The following OSTF1 variants were observed in gnomAD, a reference collection of about 807,000 sequenced individuals.
OSTF1 encodes the protein osteoclast-stimulating factor 1.
A neutral mutation model predicts 37.2 loss-of-function variants in OSTF1; 27 were observed. The ratio of observed to expected loss-of-function variants is 0.73; its 90% confidence interval spans 0.54 to 1.00. OSTF1 has a LOEUF of 1.00. Ranked by LOEUF, OSTF1 falls within the 50% of genes least tolerant of loss-of-function variation. The pLI, the probability that OSTF1 is intolerant of heterozygous loss-of-function variation, is 0.00. For synonymous variants in OSTF1, 82 were observed against 89.2 expected (o/e 0.92, Z 0.46); for missense variants, 232 against 253.8 (o/e 0.91, Z 0.58).
intron 2 of OSTF1, among the ~76,000 whole-genome samples, chr9:75,123,756 C>T (rs149813157): frequency 8.7e-4 from 132 of 152,214 alleles, no homozygotes; most frequent in South Asian, 3.3e-3. Context: ...AGTAGCATTC[C>T]GTGTCTGGGA....
In OSTF1 at chr9:75,109,610, G is replaced by C. The variant is rs542344036; in HGVS notation, c.35-7894G>C. On this transcript the variant is annotated intron_variant, in intron 1 of 9. Coordinates refer to ENST00000346234, the MANE Select transcript of OSTF1 (RefSeq NM_012383.5). ...ATAGGTCATGACCTTCAGTTTAAAAGTGTTGAGGTGACTCACTGTGTTCTG... is the reference window on the plus strand; with the variant it reads ...ATAGGTCATGACCTTCAGTTTAAAACTGTTGAGGTGACTCACTGTGTTCTG... Among the ~76,000 whole-genome samples the C allele has an allele frequency of 6.6e-5, 10 of 152,304 alleles. No homozygotes were observed. In the East Asian group the frequency reaches 1.9e-3, roughly 29 times the overall value.
At chr9:75,116,581 A>T (rs2118511635) in intron 1 of OSTF1, among the ~76,000 whole-genome samples, 1 of 149,114 alleles carries the variant, frequency 6.7e-6, no homozygotes, top group Non-Finnish European at 1.5e-5. Flanking sequence ...GACTTAATGG[A>T]ATCATAGGTT....
intron 2 of OSTF1, among the ~76,000 whole-genome samples, chr9:75,119,362 A>G (rs1215303603): frequency 2.6e-5 from 4 of 152,210 alleles, no homozygotes; most frequent in Non-Finnish European, 5.9e-5. Context: ...ATGTTTCTGG[A>G]GCAAGAAAGG....
In OSTF1 at chr9:75,128,389, T is replaced by TTGTCC. The variant is rs1221073344; in HGVS notation, c.132+770_132+771insTGTCC. ...ATATATATATATATATATATATATA[T>TTGTCC]ATATATATATATATATATTTTGTCC... On this transcript the variant is annotated intron_variant, in intron 3 of 9. Coordinates refer to ENST00000346234, the MANE Select transcript of OSTF1 (RefSeq NM_012383.5). Among the ~76,000 whole-genome samples, 12 of 98,194 alleles carry TTGTCC rather than the reference T, an allele frequency of 1.2e-4. 1 individual carries two copies. The highest frequency in any genetic ancestry group is 9.2e-4 in the South Asian group (3 of 3,276). The allele number at this position is 98,194 out of a possible 152,430, so 64.4% of individuals were successfully genotyped here.
chr9:75,118,399 G>A lies in OSTF1; in HGVS notation c.81+849G>A, dbSNP rs181952189. Among the ~76,000 whole-genome samples, 6 of 152,256 alleles carry A rather than the reference G, an allele frequency of 3.9e-5. No homozygotes were observed. The East Asian group carries it at 9.7e-4, about 25-fold the overall frequency. On this transcript the variant is annotated intron_variant, in intron 2 of 9. Transcript: ENST00000346234. Reference sequence around the variant, plus strand: ...GAGAGGGTAGTGGGAGACTACTTCCGAGAGTTGGGGTGGACTGGAAGGGCA... The same window carrying A: ...GAGAGGGTAGTGGGAGACTACTTCCAAGAGTTGGGGTGGACTGGAAGGGCA...
intron 1 of OSTF1, among the ~76,000 whole-genome samples, chr9:75,093,879 A>G (rs1451358373): frequency 6.6e-6 from 1 of 152,212 alleles, no homozygotes; most frequent in African/African-American, 2.4e-5. Flanking sequence ...AATGATGATG[A>G]TGATGGGAAT....
chr9:75,138,289 C>T (rs1825874690), intron 8 of OSTF1, among the ~76,000 whole-genome samples: 1 of 152,130 alleles, frequency 6.6e-6, no homozygotes, highest in East Asian at 1.9e-4. Flanking sequence ...TAGGGATCCT[C>T]AGAGCAATAT....
intron 2 of OSTF1, among the ~76,000 whole-genome samples, chr9:75,124,653 C>G (rs1298530650): frequency 6.6e-6 from 1 of 152,192 alleles, no homozygotes; most frequent in African/African-American, 2.4e-5. Flanking sequence ...TCCCACAGAT[C>G]AACCCTGTAC....
At chr9:75,112,875 G>A (rs1825416152) in intron 1 of OSTF1, among the ~76,000 whole-genome samples, 1 of 152,172 alleles carries the variant, frequency 6.6e-6, no homozygotes, top group Non-Finnish European at 1.5e-5. Flanking sequence ...CTGCTTCCTT[G>A]TATAACTTCT....
intron 3 of OSTF1, among the ~76,000 whole-genome samples, chr9:75,129,628 A>G (rs1343665968): frequency 6.6e-6 from 1 of 152,242 alleles, no homozygotes; most frequent in Non-Finnish European, 1.5e-5. Context: ...TTTATAGGCA[A>G]TACAGGGAAC....
At chr9:75,090,897 C>A (rs551797794) in intron 1 of OSTF1, among the ~76,000 whole-genome samples, 30 of 152,308 alleles carry the variant, frequency 2.0e-4, no homozygotes, top group African/African-American at 7.2e-4. Flanking sequence ...TCACTTTACA[C>A]GTGTTAACAC....
intron 1 of OSTF1, among the ~76,000 whole-genome samples, chr9:75,111,645 C>T (rs1325858685): frequency 6.6e-6 from 1 of 151,972 alleles, no homozygotes; most frequent in East Asian, 1.9e-4. Flanking sequence ...GTCTTCTGAG[C>T]TCCATTTTTC....
chr9:75,140,728 G>C, intron 8 of OSTF1, 106 bp from the exon 9 acceptor site: 1 of 679,974 alleles, frequency 1.5e-6, no homozygotes, highest in Admixed American at 2.4e-5. Flanking sequence ...AGCCAGAGTT[G>C]TTCACTAGTT....
At chr9:75,134,471 T>C in intron 7 of OSTF1, 76 bp downstream of exon 7, 1 of 723,312 alleles carries the variant, frequency 1.4e-6, no homozygotes, top group South Asian at 1.7e-5. Context: ...CATGGGCATG[T>C]GAAGTATTGT....
In OSTF1 at chr9:75,106,783, G is replaced by A. The variant is rs146937510; in HGVS notation, c.35-10721G>A. On this transcript the variant is annotated intron_variant, in intron 1 of 9. Transcript: ENST00000346234. The stretch of plus-strand genomic sequence containing the variant: ...ATCCTGGCCAACATGGTGAAACCCC[G>A]TCTCTACTAAAAATACAAAAATTAG... Among the ~76,000 whole-genome samples, 913 of 150,650 alleles carry A rather than the reference G, an allele frequency of 6.1e-3. 5 individuals are homozygous for A. The highest frequency in any genetic ancestry group is 0.018 in the South Asian group (88 of 4,758).
chr9:75,099,965 A>G (rs932744884), intron 1 of OSTF1, among the ~76,000 whole-genome samples: 6 of 152,246 alleles, frequency 3.9e-5, no homozygotes, highest in African/African-American at 1.4e-4. Flanking sequence ...AAATCATTCT[A>G]TTCATAGTTG....
chr9:75,095,173 T>C (rs1825052887), intron 1 of OSTF1, among the ~76,000 whole-genome samples: 1 of 152,250 alleles, frequency 6.6e-6, no homozygotes, highest in South Asian at 2.1e-4. Context: ...TCTTTTGTTA[T>C]AACAAATAGT....
chr9:75,140,452 C>G lies in OSTF1; in HGVS notation c.488-382C>G, dbSNP rs554915866. On this transcript the variant is annotated intron_variant, in intron 8 of 9. Coordinates refer to ENST00000346234, the MANE Select transcript of OSTF1 (RefSeq NM_012383.5). ...GTTAATTTGCATGAGAGCAGACTTA[C>G]AGATATAAAATATTAATCCCCTCAA... 1.3e-4 allele frequency among the ~76,000 whole-genome samples: 20 copies of G among 152,270 alleles called. No homozygotes were observed. In the South Asian group the frequency reaches 4.1e-3, roughly 32 times the overall value.
intron 1 of OSTF1, among the ~76,000 whole-genome samples, chr9:75,090,930 ATG>A (rs1824962116): frequency 1.3e-4 from 20 of 152,342 alleles, no homozygotes; most frequent in Admixed American, 5.9e-4. Context: ...CAACAATCTT[ATG>A]AGATCAGTAC....
Sources: allele counts gnomAD v4.1 joint callset (sites outside exome capture counted in the v4.1 genomes callset), GRCh38; gene constraint gnomAD v4.1.1; transcripts MANE v1.5; gene names NCBI Gene and HGNC (gene_info 2026-07-23, HGNC 2026-07-21).